The following B3GAT1 variants were observed in gnomAD, a reference collection of about 807,000 sequenced individuals.
The protein encoded by B3GAT1 is galactosylgalactosylxylosylprotein 3-beta-glucuronosyltransferase 1.
B3GAT1 carries 11 observed loss-of-function variants against 28.4 expected under a neutral mutation model. That is an observed-to-expected ratio of 0.39 (90% CI 0.24 to 0.64). B3GAT1 has a LOEUF of 0.64. Among genes scored for constraint, B3GAT1 ranks in the 30% least tolerant of loss-of-function variants. B3GAT1 has a pLI of 0.50. For synonymous variants in B3GAT1, 255 were observed against 223.1 expected, an observed-to-expected ratio of 1.14 and a Z score of -1.27; for missense variants, 375 against 491.0, an observed-to-expected ratio of 0.76 and a Z score of 2.23.
intron 1 of B3GAT1, among the ~76,000 whole-genome samples, chr11:134,403,032 C>T (rs1327481517): frequency 3.3e-5 from 5 of 152,144 alleles, no homozygotes; most frequent in Admixed American, 3.3e-4. Context: ...GCGATGATCC[C>T]GCGGTCCTCA....
intron 2 of B3GAT1, chr11:134,387,143 CCCTTCCT>C: frequency 1.6e-5 from 3 of 187,478 alleles, no homozygotes; most frequent in South Asian, 1.3e-4. Context: ...CTTCGCCCTT[CCCTTCCT>C]ATGAAAACCA....
At chr11:134,388,021 C>A in intron 1 of B3GAT1, 81 bp from the exon 2 acceptor site, 1 of 500,738 alleles carries the variant, frequency 2.0e-6, no homozygotes, top group South Asian at 1.7e-5. Flanking sequence ...TGCTCTGGGA[C>A]ACACAGCATC....
chr11:134,381,464 C>T (rs1369519519), intron 5 of B3GAT1, among the ~76,000 whole-genome samples: 3 of 152,194 alleles, frequency 2.0e-5, no homozygotes, highest in Admixed American at 2.0e-4. Context: ...GCTCTGGGTC[C>T]GTGCTGTCAC....
intron 1 of B3GAT1, chr11:134,388,830 C>T (rs1944350880): frequency 6.6e-6 from 1 of 152,192 alleles, no homozygotes; most frequent in African/African-American, 2.4e-5. Flanking sequence ...TGTATATGCA[C>T]CATGTTTTCT....
In B3GAT1 at chr11:134,379,823, G is replaced by A; in HGVS notation, c.*939C>T. 7.0e-6 allele frequency: 1 copy of A among 141,874 alleles called. No homozygotes were observed. The highest frequency in any genetic ancestry group is 1.6e-5 in the Non-Finnish European group (1 of 62,214). The allele number at this position is 141,874 out of a possible 1,614,324, so 8.8% of individuals were successfully genotyped here. On this transcript the variant is annotated 3_prime_UTR_variant, in exon 6 of 6. Coordinates refer to ENST00000312527, the MANE Select transcript of B3GAT1 (RefSeq NM_054025.3). The stretch of plus-strand genomic sequence containing the variant: ...CCGCCTTGCCCACTGCCCACCATGG[G>A]CTCACTCCACCCTGAGGTCTGTGGC...
In B3GAT1 at chr11:134,393,368, CA is replaced by C. The variant is rs1369302550; in HGVS notation, c.-281-5429del. On this transcript the variant is annotated intron_variant, in intron 1 of 5. Coordinates refer to ENST00000312527, the MANE Select transcript of B3GAT1 (RefSeq NM_054025.3). The surrounding 1 kb of genome is among the most constrained non-coding windows in gnomAD (Gnocchi z 4.0). ...CGAACGACCCATCCTTGCTGGCTCT[CA>C]GCACTTCCGCTCAGCCGACACGGGG... Among the ~76,000 whole-genome samples the C allele has an allele frequency of 3.3e-5, 5 of 152,208 alleles. No individual in the cohort carries two copies. The highest frequency in any genetic ancestry group is 9.7e-5 in the African/African-American group (4 of 41,444).
chr11:134,403,559 G>T (rs1944663173), intron 1 of B3GAT1, among the ~76,000 whole-genome samples: 1 of 152,166 alleles, frequency 6.6e-6, no homozygotes, highest in South Asian at 2.1e-4. Flanking sequence ...CTGTGACATA[G>T]CTTCCCTCTG....
At chr11:134,396,243 G>A (rs549911843) in intron 1 of B3GAT1, among the ~76,000 whole-genome samples, 1 of 152,268 alleles carries the variant, frequency 6.6e-6, no homozygotes, top group South Asian at 2.1e-4. Flanking sequence ...TGAGCACCGG[G>A]GGGTGGGGCT....
chr11:134,407,901 G>A (rs1039280025), intron 1 of B3GAT1, among the ~76,000 whole-genome samples: 1 of 152,116 alleles, frequency 6.6e-6, no homozygotes, highest in Non-Finnish European at 1.5e-5. Context: ...AATTTTGGGG[G>A]CTCTCTGACC....
chr11:134,394,299 C>T (rs559273804), intron 1 of B3GAT1, among the ~76,000 whole-genome samples: 7 of 152,250 alleles, frequency 4.6e-5, no homozygotes, highest in Admixed American at 1.3e-4. Flanking sequence ...GGCAGACACA[C>T]AGATCTCGTC....
intron 1 of B3GAT1, among the ~76,000 whole-genome samples, chr11:134,394,692 C>A (rs541793723): frequency 3.3e-5 from 5 of 152,358 alleles, no homozygotes; most frequent in Admixed American, 3.3e-4. Flanking sequence ...TGCAGGCTCA[C>A]GCTTGGGACT....
intron 1 of B3GAT1, among the ~76,000 whole-genome samples, chr11:134,410,615 T>G (rs1159907141): frequency 3.3e-5 from 5 of 152,166 alleles, no homozygotes; most frequent in Non-Finnish European, 7.3e-5. Flanking sequence ...CTGAGCAGAC[T>G]CTGGGAGGAA....
chr11:134,406,101 G>A (rs1255514646), intron 1 of B3GAT1, among the ~76,000 whole-genome samples: 2 of 152,364 alleles, frequency 1.3e-5, no homozygotes, highest in East Asian at 1.9e-4. Context: ...CGCCCGGGGG[G>A]CTCGTGGCAG....
At chr11:134,403,983 TTA>T (rs55794505) in intron 1 of B3GAT1, among the ~76,000 whole-genome samples, 2,942 of 40,168 alleles carry the variant, frequency 0.073, 86 homozygotes, top group Admixed American at 0.091. Context: ...GTTTCTTTCT[TTA>T]TATATATATA....
In B3GAT1 at chr11:134,387,603, C is replaced by G. The variant is rs547556369; in HGVS notation, c.57G>C (p.Leu19=). 32 of 1,614,176 alleles carry G rather than the reference C, an allele frequency of 2.0e-5. 1 individual carries two copies. The South Asian group carries it at 3.3e-4, about 17-fold the overall frequency. ...TGCTCTGGTGCCAGACAGTGATGAG[C>G]AGAGTCCAGGGCAGCACGATGAGGA... ...AIVLIVLPWT[L]LITVWHQSTL... Residue 19 remains leucine, a synonymous_variant, in exon 2 of 6, where the codon CTG becomes CTC. Transcript: ENST00000312527.
intron 1 of B3GAT1, among the ~76,000 whole-genome samples, chr11:134,405,099 G>C (rs138706886): frequency 1.9e-3 from 288 of 152,310 alleles, no homozygotes; most frequent in Middle Eastern, 6.8e-3. Context: ...CAGGGCTGGG[G>C]GGGTGACGAT....
intron 1 of B3GAT1, 89 bp from the exon 2 acceptor site, chr11:134,388,029 A>G: frequency 2.1e-6 from 1 of 468,984 alleles, no homozygotes. Context: ...GACACACAGC[A>G]TCGGGGGTTC....
intron 1 of B3GAT1, among the ~76,000 whole-genome samples, chr11:134,396,737 G>C (rs889270977): frequency 6.6e-6 from 1 of 152,156 alleles, no homozygotes; most frequent in East Asian, 1.9e-4. Context: ...TGCTCGGCCT[G>C]GCTTCCTGCT....
At chr11:134,410,073 C>A (rs776522165) in intron 1 of B3GAT1, among the ~76,000 whole-genome samples, 15 of 152,332 alleles carry the variant, frequency 9.8e-5, no homozygotes, top group South Asian at 2.1e-4. Context: ...ACTAAGAGAA[C>A]CTTCAGGTCT....
Sources: allele counts gnomAD v4.1 joint callset (sites outside exome capture counted in the v4.1 genomes callset), GRCh38; gene constraint gnomAD v4.1.1; non-coding constraint Gnocchi (gnomAD v3.1); transcripts MANE v1.5; gene names NCBI Gene and HGNC (gene_info 2026-07-23, HGNC 2026-07-21).